Variants in FTO observed in about 807,000 individuals in gnomAD.
The protein encoded by FTO is FTO alpha-ketoglutarate dependent dioxygenase, also known as alpha-ketoglutarate-dependent dioxygenase FTO.
FTO carries 47 observed loss-of-function variants against 63.9 expected under a neutral mutation model. The ratio of observed to expected loss-of-function variants is 0.74; its 90% CI spans 0.58 to 0.94. The LOEUF (loss-of-function observed/expected upper bound fraction) is 0.94. FTO is among the 40% of genes least tolerant of loss of function. The probability of loss-of-function intolerance (pLI) is 0.00; values close to 1 mark genes in which losing one functional copy is unlikely to be tolerated. For missense variants in FTO, 562 were observed against 618.1 expected, an observed-to-expected ratio of 0.91 and a Z score of 0.96; for synonymous variants, 207 against 224.4, an observed-to-expected ratio of 0.92 and a Z score of 0.69.
rs757157849 is a variant in FTO, at chr16:53,826,127, G to A, written c.387G>A (p.Glu129=). ...PVKGSNIKHT[E]AEIAAACETF... ...AAGGGTCTAATATAAAACACACCGAGGCTGAAATAGCCGCTGCTTGTGAGA... is the reference window on the plus strand; with the variant it reads ...AAGGGTCTAATATAAAACACACCGAAGCTGAAATAGCCGCTGCTTGTGAGA... The change falls in exon 3 of 9, where the codon GAG becomes GAA. Residue 129 remains glutamate, a synonymous_variant. Coordinates refer to ENST00000471389, the MANE Select transcript of FTO (RefSeq NM_001080432.3). 8 of 1,614,032 alleles carry A rather than the reference G, an allele frequency of 5.0e-6. No homozygotes were observed. The highest frequency in any genetic ancestry group is 4.5e-5 in the East Asian group (2 of 44,880).
intron 6 of FTO, 141 bp downstream of exon 6, chr16:53,880,128 G>T: frequency 1.5e-6 from 1 of 653,462 alleles, no homozygotes; most frequent in Non-Finnish European, 2.7e-6. Flanking sequence ...CCGAATAGGT[G>T]GGACTACAGG....
At chr16:53,786,198 C>G (rs1288145121) in intron 1 of FTO, among the ~76,000 whole-genome samples, 1 of 152,158 alleles carries the variant, frequency 6.6e-6, no homozygotes, top group African/African-American at 2.4e-5. Context: ...CAAACACACA[C>G]TTTCTTTTCT....
At chr16:54,004,660 C>A (rs1599184471) in intron 8 of FTO, among the ~76,000 whole-genome samples, 1 of 152,244 alleles carries the variant, frequency 6.6e-6, no homozygotes, top group Middle Eastern at 3.4e-3. Flanking sequence ...AAAAATGGGA[C>A]ATGTCACACA....
intron 3 of FTO, among the ~76,000 whole-genome samples, chr16:53,829,857 T>C (rs2079099464): frequency 6.6e-6 from 1 of 152,010 alleles, no homozygotes; most frequent in Admixed American, 6.6e-5. Context: ...ATTTTACAAA[T>C]GAAAACACCG....
At chr16:53,919,095 T>A (rs2081951333) in intron 7 of FTO, among the ~76,000 whole-genome samples, 1 of 152,166 alleles carries the variant, frequency 6.6e-6, no homozygotes, top group Non-Finnish European at 1.5e-5. Context: ...CTGGGTTAGA[T>A]TTGGCTCTGT....
At chr16:53,988,558 A>G (rs1374832338) in intron 8 of FTO, among the ~76,000 whole-genome samples, 5 of 152,304 alleles carry the variant, frequency 3.3e-5, no homozygotes, top group Middle Eastern at 3.4e-3. Flanking sequence ...ATGTCATAAC[A>G]TATCTACCAT....
intron 7 of FTO, among the ~76,000 whole-genome samples, chr16:53,896,607 T>C (rs948049686): frequency 6.6e-6 from 1 of 152,310 alleles, no homozygotes; most frequent in Admixed American, 6.5e-5. Context: ...AAAATATTGT[T>C]ATGATGATCC....
intron 6 of FTO, among the ~76,000 whole-genome samples, chr16:53,884,621 G>A (rs941996234): frequency 6.6e-6 from 1 of 152,200 alleles, no homozygotes; most frequent in Admixed American, 6.5e-5. Context: ...AGTAGGTGAC[G>A]TTTGCTGACC....
intron 8 of FTO, among the ~76,000 whole-genome samples, chr16:54,110,390 A>G (rs1040097229): frequency 6.6e-6 from 1 of 152,208 alleles, no homozygotes; most frequent in Non-Finnish European, 1.5e-5. Context: ...TGTGCTACAT[A>G]ATAGTACTTA....
At chr16:53,826,541 G>A (rs747852789) in intron 3 of FTO, 50 bp downstream of exon 3, 18 of 1,581,062 alleles carry the variant, frequency 1.1e-5, no homozygotes, top group African/African-American at 5.4e-5. Context: ...AATATGACCC[G>A]AGTTGTTTAG....
At chr16:54,070,455 C>G (rs1567552768) in intron 8 of FTO, 1 of 152,184 alleles carries the variant, frequency 6.6e-6, no homozygotes, top group Non-Finnish European at 1.5e-5. Context: ...ACTGATAGCT[C>G]TTTGACATAG....
At chr16:54,040,077 A>T (rs1477126478) in intron 8 of FTO, 4 of 152,254 alleles carry the variant, frequency 2.6e-5, no homozygotes, top group African/African-American at 4.8e-5. Context: ...TTCAAATCAA[A>T]GTTCAAACCT....
intron 1 of FTO, among the ~76,000 whole-genome samples, chr16:53,808,478 C>G (rs1259126385): frequency 6.6e-6 from 1 of 152,160 alleles, no homozygotes; most frequent in Non-Finnish European, 1.5e-5. Flanking sequence ...TTGTGTCTCT[C>G]AGGGTCAATT....
intron 1 of FTO, among the ~76,000 whole-genome samples, chr16:53,806,734 C>G (rs886395951): frequency 2.6e-5 from 4 of 152,106 alleles, no homozygotes; most frequent in African/African-American, 9.7e-5. Context: ...TGATTCCAAG[C>G]TTTTTTTCTA....
chr16:53,971,158 A>G (rs539744775), intron 8 of FTO, among the ~76,000 whole-genome samples: 129 of 152,360 alleles, frequency 8.5e-4, no homozygotes, highest in African/African-American at 3.1e-3. Context: ...ATGTATTACA[A>G]TATGCAAAAT....
At chr16:53,721,049 CA>C (rs1248935114) in intron 1 of FTO, among the ~76,000 whole-genome samples, 1 of 152,110 alleles carries the variant, frequency 6.6e-6, no homozygotes, top group Non-Finnish European at 1.5e-5. Context: ...CTTGGTCTCC[CA>C]AAGTCCTAGG....
intron 7 of FTO, among the ~76,000 whole-genome samples, chr16:53,913,447 A>G (rs571694020): frequency 9.9e-5 from 15 of 152,216 alleles, no homozygotes; most frequent in Admixed American, 7.9e-4. Context: ...AACTGTTCCC[A>G]CTAGAAATGC....
chr16:54,038,028 G>A (rs1274885825), intron 8 of FTO, among the ~76,000 whole-genome samples: 1 of 152,184 alleles, frequency 6.6e-6, no homozygotes, highest in African/African-American at 2.4e-5. Context: ...GTGCAGGAAG[G>A]TGAACTTTCT....
intron 8 of FTO, among the ~76,000 whole-genome samples, chr16:54,048,671 T>C (rs2085241896): frequency 6.6e-6 from 1 of 152,186 alleles, no homozygotes; most frequent in Admixed American, 6.5e-5. Context: ...CCAATTCTGG[T>C]CGGCCTGATA....
Sources: allele counts gnomAD v4.1 joint callset (sites outside exome capture counted in the v4.1 genomes callset), GRCh38; gene constraint gnomAD v4.1.1; transcripts MANE v1.5; gene names NCBI Gene and HGNC (gene_info 2026-07-23, HGNC 2026-07-21).